Variants in GUCY1A2 observed in about 807,000 individuals in gnomAD.
The protein encoded by GUCY1A2 is guanylate cyclase 1 soluble subunit alpha 2, also known as guanylate cyclase soluble subunit alpha-2.
A neutral mutation model predicts 63.5 loss-of-function variants in GUCY1A2; 27 were observed. The observed-to-expected ratio is 0.43, with a 90% confidence interval of 0.31 to 0.59. GUCY1A2 has a LOEUF of 0.59. GUCY1A2 is among the 20% of genes least tolerant of loss of function. The pLI, the probability that GUCY1A2 is intolerant of heterozygous loss-of-function variation, is 0.11. For missense variants in GUCY1A2, 768 were observed against 913.3 expected (o/e 0.84, Z 2.05); for synonymous variants, 364 against 343.5 (o/e 1.06, Z -0.66).
chr11:107,003,833 G>A (rs1454526825), intron 1 of GUCY1A2, among the ~76,000 whole-genome samples: 1 of 152,142 alleles, frequency 6.6e-6, no homozygotes, highest in Admixed American at 6.6e-5. Flanking sequence ...TTAGCATGCA[G>A]GAAACTTATT....
intron 4 of GUCY1A2, among the ~76,000 whole-genome samples, chr11:106,866,005 T>C (rs1175248007): frequency 4.6e-5 from 7 of 152,078 alleles, no homozygotes; most frequent in Non-Finnish European, 7.4e-5. Flanking sequence ...GCATCTATCA[T>C]AGCACCTTGC....
intron 6 of GUCY1A2, among the ~76,000 whole-genome samples, chr11:106,711,279 T>C (rs970221374): frequency 5.9e-5 from 9 of 152,174 alleles, no homozygotes; most frequent in Non-Finnish European, 1.0e-4. Flanking sequence ...GTCTTTTTTA[T>C]TAGAATGCTC....
chr11:106,799,543 A>G (rs1864831323), intron 5 of GUCY1A2, among the ~76,000 whole-genome samples: 1 of 152,176 alleles, frequency 6.6e-6, no homozygotes, highest in Non-Finnish European at 1.5e-5. Context: ...CAAAACAGAG[A>G]TGTAGACCAA....
Position 106,685,039 on chromosome 11 carries a change from T to C in GUCY1A2, c.*2510A>G. Reference sequence around the variant, plus strand: ...CTCATAAACATATATAGCAACATTGTAACTACAATAATCAACTATAATAGA... The same window carrying C: ...CTCATAAACATATATAGCAACATTGCAACTACAATAATCAACTATAATAGA... On this transcript the variant is annotated 3_prime_UTR_variant, in exon 8 of 8. Transcript: ENST00000526355. 1 of 205,106 alleles carries C rather than the reference T, an allele frequency of 4.9e-6. No individual in the cohort carries two copies. 12.7% of individuals were successfully genotyped at this position (205,106 alleles called of 1,614,324 possible). A position where few individuals can be genotyped will look rare whatever the true frequency, so the allele number is the denominator to read the frequency against.
Position 106,817,645 on chromosome 11 carries a change from C to G in GUCY1A2, c.1207-7167G>C, listed in dbSNP as rs193077207. ...TATCCAAAATATATAAAGAACTCAA[C>G]TGACTAAGAAGAAAACAACCAAATT... On this transcript the variant is annotated intron_variant, in intron 4 of 7. Coordinates refer to ENST00000526355, the MANE Select transcript of GUCY1A2 (RefSeq NM_000855.3). Among the ~76,000 whole-genome samples the G allele has an allele frequency of 1.5e-3, 235 of 151,984 alleles. 1 individual carries two copies. The highest frequency in any genetic ancestry group is 5.4e-3 in the African/African-American group (224 of 41,486).
intron 4 of GUCY1A2, among the ~76,000 whole-genome samples, chr11:106,844,578 TTTATA>T (rs1409926222): frequency 6.6e-6 from 1 of 151,790 alleles, no homozygotes; most frequent in Non-Finnish European, 1.5e-5. Context: ...CTTCAAAATA[TTTATA>T]TTATGTTTCT....
rs111608366 is a variant in GUCY1A2, at chr11:106,815,943, G to C, written c.1207-5465C>G. Among the ~76,000 whole-genome samples the C allele has an allele frequency of 3.3e-5, 5 of 152,072 alleles. 1 individual carries two copies. Among genetic ancestry groups the C allele is most frequent in the African/African-American group, 1.2e-4 (5 of 41,496 alleles). ...AATGGATTCTACCCCAGAGCCTCTG[G>C]AGATAGCATGGTCCTTTTGACACTT... is the stretch of plus-strand genomic sequence containing the variant. On this transcript the variant is annotated intron_variant, in intron 4 of 7. Transcript: ENST00000526355.
At chr11:106,987,388 C>A (rs962685047) in intron 1 of GUCY1A2, among the ~76,000 whole-genome samples, 8 of 152,218 alleles carry the variant, frequency 5.3e-5, no homozygotes, top group Admixed American at 2.6e-4. Flanking sequence ...CTCTGGCTCA[C>A]GCCTGTAATC....
chr11:106,995,507 C>G (rs763255572), intron 1 of GUCY1A2, among the ~76,000 whole-genome samples: 6 of 152,156 alleles, frequency 3.9e-5, no homozygotes, highest in Admixed American at 2.6e-4. Context: ...AAGGGATTAA[C>G]TCCTGGCTAG....
intron 2 of GUCY1A2, 86 bp downstream of exon 2, chr11:106,985,984 A>G: frequency 2.5e-6 from 2 of 785,042 alleles, no homozygotes; most frequent in South Asian, 1.4e-5. Flanking sequence ...TGACCTGGGT[A>G]GCAGAAAATC....
intron 4 of GUCY1A2, among the ~76,000 whole-genome samples, chr11:106,913,528 G>A (rs1860324840): frequency 6.6e-6 from 1 of 152,008 alleles, no homozygotes; most frequent in African/African-American, 2.4e-5. Flanking sequence ...AGGATCCAAC[G>A]CCAGGACCCA....
At chr11:106,870,331 T>C (rs147012965) in intron 4 of GUCY1A2, among the ~76,000 whole-genome samples, 119 of 152,226 alleles carry the variant, frequency 7.8e-4, no homozygotes, top group African/African-American at 2.8e-3. Context: ...ATTCATATAA[T>C]TTAACACTGT....
chr11:106,934,097 G>A (rs559571732), intron 4 of GUCY1A2, among the ~76,000 whole-genome samples: 3 of 152,154 alleles, frequency 2.0e-5, no homozygotes, highest in South Asian at 2.1e-4. Context: ...TCTAGATGAA[G>A]TTCAAATTAT....
intron 1 of GUCY1A2, 57 bp downstream of exon 1, chr11:107,017,696 T>C: frequency 8.9e-7 from 1 of 1,120,466 alleles, no homozygotes; most frequent in East Asian, 3.3e-5. Context: ...CAGCGCCAAC[T>C]TTACAGATCC....
At chr11:106,720,639 A>C (rs1417058746) in intron 6 of GUCY1A2, among the ~76,000 whole-genome samples, 1 of 152,216 alleles carries the variant, frequency 6.6e-6, no homozygotes, top group African/African-American at 2.4e-5. Context: ...GAACAAGGGA[A>C]AGTGTTTTCT....
intron 1 of GUCY1A2, among the ~76,000 whole-genome samples, chr11:106,994,072 AG>A (rs953107882): frequency 3.7e-4 from 56 of 152,296 alleles, no homozygotes; most frequent in African/African-American, 1.3e-3. Flanking sequence ...TTGTGAACAC[AG>A]GTATATATTT....
At chr11:106,928,703 G>A (rs575112313) in intron 4 of GUCY1A2, among the ~76,000 whole-genome samples, 1 of 152,290 alleles carries the variant, frequency 6.6e-6, no homozygotes, top group Non-Finnish European at 1.5e-5. Context: ...CTAAATGGTA[G>A]AGCTTATTGC....
At chr11:106,908,331 G>A (rs1416405836) in intron 4 of GUCY1A2, among the ~76,000 whole-genome samples, 2 of 151,802 alleles carry the variant, frequency 1.3e-5, no homozygotes, top group Admixed American at 1.3e-4. Context: ...TGAATATTCT[G>A]AAGAACTCAA....
rs375912347 is a variant in GUCY1A2, at chr11:106,723,867, A to G, written c.1837-15201T>C. 2.4e-4 allele frequency among the ~76,000 whole-genome samples: 36 copies of G among 152,220 alleles called. No homozygotes were observed. In the East Asian group the frequency reaches 5.8e-3, roughly 24 times the overall value. On this transcript the variant is annotated intron_variant, in intron 6 of 7. Coordinates refer to ENST00000526355, the MANE Select transcript of GUCY1A2 (RefSeq NM_000855.3). ...ATATGAATTTAAACCACTTCTTAAAACATCTTTGAACATAAATTAATATGC... is the reference window on the plus strand; with the variant it reads ...ATATGAATTTAAACCACTTCTTAAAGCATCTTTGAACATAAATTAATATGC...
Sources: gnomAD v4.1 joint callset for allele counts (sites outside exome capture counted in the v4.1 genomes callset) on GRCh38, gnomAD v4.1.1 for gene constraint, MANE v1.5 for transcripts, NCBI Gene and HGNC (gene_info 2026-07-23, HGNC 2026-07-21) for gene names.